Variants in ITPR2 observed in about 807,000 individuals in gnomAD.
The protein encoded by ITPR2 is inositol 1,4,5-trisphosphate receptor type 2, also known as inositol 1,4,5-trisphosphate-gated calcium channel ITPR2.
Under a neutral mutation model 317.1 loss-of-function variants are expected in ITPR2, and 207 were observed. The ratio of observed to expected loss-of-function variants is 0.65; its 90% CI spans 0.58 to 0.73. The LOEUF is 0.73. Ranked by LOEUF, ITPR2 falls within the 30% of genes least tolerant of loss-of-function variation. The pLI, the probability that ITPR2 is intolerant of heterozygous loss-of-function variation, is 0.00. For synonymous variants in ITPR2, 1,156 were observed against 1,149.1 expected (o/e 1.01, Z -0.12); for missense variants, 2,613 against 3,284.0 (o/e 0.80, Z 4.99).
intron 2 of ITPR2, among the ~76,000 whole-genome samples, chr12:26,753,728 AT>A (rs1320744179): frequency 6.6e-6 from 1 of 152,180 alleles, no homozygotes; most frequent in Admixed American, 6.5e-5. Context: ...GTCTTTCTGT[AT>A]TGTTCTGTCA....
At chr12:26,770,396 C>T (rs932640453) in intron 2 of ITPR2, among the ~76,000 whole-genome samples, 10 of 152,320 alleles carry the variant, frequency 6.6e-5, no homozygotes, top group Admixed American at 4.6e-4. Context: ...CCAGAAATGC[C>T]TCTTTCTCCA....
At chr12:26,496,410 T>A (rs1942932872) in intron 37 of ITPR2, among the ~76,000 whole-genome samples, 1 of 152,204 alleles carries the variant, frequency 6.6e-6, no homozygotes. Context: ...TTAGGTATTA[T>A]CCTCAGTTCT....
chr12:26,393,853 G>T (rs1052570664), intron 54 of ITPR2, among the ~76,000 whole-genome samples: 4 of 152,212 alleles, frequency 2.6e-5, no homozygotes, highest in Admixed American at 6.5e-5. Context: ...CACACCTGTT[G>T]TCTGCAGTAT....
chr12:26,572,086 C>T (rs568272482), intron 34 of ITPR2, among the ~76,000 whole-genome samples: 1 of 152,088 alleles, frequency 6.6e-6, no homozygotes, highest in East Asian at 1.9e-4. Flanking sequence ...ATATGCATAT[C>T]CCTTGTTCTG....
intron 52 of ITPR2, among the ~76,000 whole-genome samples, chr12:26,406,190 T>C (rs1940342548): frequency 6.6e-6 from 1 of 152,008 alleles, no homozygotes; most frequent in South Asian, 2.1e-4. Flanking sequence ...GGCTGACTGG[T>C]TTCTGGTATT....
intron 1 of ITPR2, among the ~76,000 whole-genome samples, chr12:26,825,468 G>C (rs757651144): frequency 2.0e-5 from 3 of 151,970 alleles, no homozygotes; most frequent in Non-Finnish European, 4.4e-5. Flanking sequence ...ATAGTATTCT[G>C]TCTATATTCT....
intron 30 of ITPR2, among the ~76,000 whole-genome samples, chr12:26,597,452 T>A (rs372223227): frequency 8.7e-4 from 133 of 152,050 alleles, no homozygotes; most frequent in South Asian, 5.8e-3. Context: ...TTTCCTCTAC[T>A]TTTTTTTGGG....
intron 54 of ITPR2, among the ~76,000 whole-genome samples, chr12:26,398,058 GTGTGTGT>G (rs1940056689): frequency 2.9e-5 from 1 of 33,950 alleles, no homozygotes; most frequent in Non-Finnish European, 6.7e-5. Flanking sequence ...GAGGGGAGTG[GTGTGTGT>G]GTGTGTGTGT....
intron 2 of ITPR2, among the ~76,000 whole-genome samples, chr12:26,784,552 C>A (rs1209838261): frequency 6.6e-6 from 1 of 151,626 alleles, no homozygotes; most frequent in Non-Finnish European, 1.5e-5. Flanking sequence ...CTGTGTTGGC[C>A]GGGCTGGTCT....
chr12:26,565,824 A>AGAGAG (rs1354899208), intron 34 of ITPR2, among the ~76,000 whole-genome samples: 1 of 137,190 alleles, frequency 7.3e-6, no homozygotes, highest in Non-Finnish European at 1.6e-5. Context: ...AAAGAAAAGA[A>AGAGAG]GAGAGGAGAG....
chr12:26,497,500 G>A (rs1942966109), intron 37 of ITPR2, among the ~76,000 whole-genome samples: 1 of 34,340 alleles, frequency 2.9e-5, no homozygotes, highest in Non-Finnish European at 9.1e-5. Flanking sequence ...AATTGTTTTA[G>A]GCACCATTTT....
chr12:26,746,823 T>C (rs2137094910), intron 2 of ITPR2, among the ~76,000 whole-genome samples: 1 of 25,622 alleles, frequency 3.9e-5, no homozygotes, highest in Middle Eastern at 0.019. Context: ...GGTGCATGCA[T>C]GTGTGTGTGT....
In ITPR2 at chr12:26,365,911, T is replaced by C. The variant is rs556841750; in HGVS notation, c.7857+21523A>G. Among the ~76,000 whole-genome samples, 16 of 152,314 alleles carry C rather than the reference T, an allele frequency of 1.1e-4. No individual in the cohort carries two copies. The South Asian group carries it at 3.3e-3, about 32-fold the overall frequency. On this transcript the variant is annotated intron_variant, in intron 55 of 56. Coordinates refer to ENST00000381340, the MANE Select transcript of ITPR2 (RefSeq NM_002223.4). ...TTATTTCAGTATTATTCTTGCACAC[T>C]GTCAAATTTACCATGAAAACTATAA...
intron 54 of ITPR2, among the ~76,000 whole-genome samples, chr12:26,389,578 T>C (rs559824537): frequency 6.6e-6 from 1 of 152,028 alleles, no homozygotes; most frequent in African/African-American, 2.4e-5. Flanking sequence ...CTCACTGACA[T>C]CTCTTTAAGT....
chr12:26,474,899 G>A (rs1942382264), intron 45 of ITPR2, among the ~76,000 whole-genome samples: 2 of 151,824 alleles, frequency 1.3e-5, no homozygotes, highest in South Asian at 4.2e-4. Context: ...TACAATTCAA[G>A]GAGGCCAGAA....
chr12:26,500,606 C>T (rs1943049064), intron 37 of ITPR2, among the ~76,000 whole-genome samples: 1 of 152,166 alleles, frequency 6.6e-6, no homozygotes, highest in Non-Finnish European at 1.5e-5. Flanking sequence ...TAACAACCAC[C>T]TTCTGAAATT....
intron 37 of ITPR2, among the ~76,000 whole-genome samples, chr12:26,512,057 T>G (rs535458231): frequency 4.1e-4 from 63 of 152,260 alleles, no homozygotes; most frequent in South Asian, 1.0e-3. Context: ...TGCTCTTGCT[T>G]TACCTCTGTG....
At chr12:26,451,456 C>T (rs1266343303) in intron 45 of ITPR2, among the ~76,000 whole-genome samples, 5 of 151,224 alleles carry the variant, frequency 3.3e-5, no homozygotes, top group Admixed American at 2.0e-4. Flanking sequence ...ACTGAAGGAG[C>T]GACCCTAGAA....
At chr12:26,782,481 A>G (rs1163402703) in intron 2 of ITPR2, among the ~76,000 whole-genome samples, 6 of 152,224 alleles carry the variant, frequency 3.9e-5, no homozygotes, top group Non-Finnish European at 1.5e-5. Flanking sequence ...TGTGTAGGAA[A>G]AGGATTAGAT....
Sources: gnomAD v4.1 joint callset for allele counts (sites outside exome capture counted in the v4.1 genomes callset) on GRCh38, gnomAD v4.1.1 for gene constraint, MANE v1.5 for transcripts, NCBI Gene and HGNC (gene_info 2026-07-23, HGNC 2026-07-21) for gene names.